Variants in CPEB1 observed in about 807,000 individuals in gnomAD.
CPEB1 encodes cytoplasmic polyadenylation element binding protein 1, also known as cytoplasmic polyadenylation element-binding protein 1.
Under a neutral mutation model 65.8 loss-of-function variants are expected in CPEB1, and 7 were observed. That is an observed-to-expected ratio of 0.11 (90% CI 0.06 to 0.20). CPEB1 has a LOEUF of 0.20. Among genes scored for constraint, CPEB1 ranks in the 10% least tolerant of loss-of-function variants. CPEB1 has a pLI of 1.00. For missense variants in CPEB1, 551 were observed against 712.2 expected (o/e 0.77, Z 2.58); for synonymous variants, 262 against 260.0 (o/e 1.01, Z -0.08).
At chr15:82,576,399 T>C (rs930241795) in intron 3 of CPEB1, among the ~76,000 whole-genome samples, 8 of 152,228 alleles carry the variant, frequency 5.3e-5, no homozygotes, top group African/African-American at 1.9e-4. Context: ...ATGGATCTAA[T>C]GACACATTTA....
intron 3 of CPEB1, among the ~76,000 whole-genome samples, chr15:82,595,279 T>A (rs1190784632): frequency 2.0e-5 from 3 of 152,260 alleles, no homozygotes; most frequent in Non-Finnish European, 4.4e-5. Flanking sequence ...CTGTTACAAA[T>A]GCCCACCTAT....
intron 9 of CPEB1, among the ~76,000 whole-genome samples, chr15:82,551,116 T>C (rs2036170334): frequency 6.6e-6 from 1 of 152,064 alleles, no homozygotes; most frequent in Non-Finnish European, 1.5e-5. Context: ...GCAGAGAAGG[T>C]AGGGAAGCTG....
intron 1 of CPEB1, among the ~76,000 whole-genome samples, chr15:82,635,913 AAAAC>A (rs1457835622): frequency 6.6e-6 from 1 of 152,194 alleles, no homozygotes; most frequent in African/African-American, 2.4e-5. Context: ...TAAATTCAAG[AAAAC>A]AAAGTAGTCC....
upstream of CPEB1, chr15:82,648,247 T>G: frequency 4.6e-6 from 1 of 218,390 alleles, no homozygotes; most frequent in Non-Finnish European, 9.0e-6. Flanking sequence ...AGTCACTGTC[T>G]GCCCTGGGCC....
At chr15:82,618,891 G>A (rs1263106385) in intron 3 of CPEB1, among the ~76,000 whole-genome samples, 5 of 152,156 alleles carry the variant, frequency 3.3e-5, no homozygotes, top group Non-Finnish European at 7.3e-5. Context: ...TGATTCATAG[G>A]TTCAACGCAA....
chr15:82,647,937 C>T, upstream of CPEB1: 1 of 1,187,442 alleles, frequency 8.4e-7, no homozygotes, highest in Non-Finnish European at 1.1e-6. Context: ...GACGCGCACG[C>T]ACGTGGGCAC....
chr15:82,578,833 T>G (rs1259344252), intron 3 of CPEB1, among the ~76,000 whole-genome samples: 1 of 152,092 alleles, frequency 6.6e-6, no homozygotes, highest in Non-Finnish European at 1.5e-5. Flanking sequence ...TGTTTTTTTG[T>G]TTTGTTTTGT....
intron 3 of CPEB1, among the ~76,000 whole-genome samples, chr15:82,604,984 A>G (rs1048792778): frequency 1.3e-4 from 20 of 152,244 alleles, no homozygotes; most frequent in African/African-American, 3.6e-4. Context: ...AGAAAGGGCA[A>G]AACTGCAAGA....
intron 1 of CPEB1, among the ~76,000 whole-genome samples, chr15:82,631,676 C>T (rs908975720): frequency 6.6e-6 from 1 of 152,138 alleles, no homozygotes; most frequent in Non-Finnish European, 1.5e-5. Context: ...ATTAAGTGAA[C>T]CAAAGACCTA....
intron 3 of CPEB1, among the ~76,000 whole-genome samples, chr15:82,576,940 G>A (rs537243776): frequency 9.1e-4 from 138 of 152,244 alleles, no homozygotes; most frequent in African/African-American, 3.2e-3. Flanking sequence ...TGGAAGGATC[G>A]CTTGAGCCTA....
At chr15:82,615,227 A>C (rs2044603476) in intron 3 of CPEB1, among the ~76,000 whole-genome samples, 1 of 152,108 alleles carries the variant, frequency 6.6e-6, no homozygotes. Context: ...CTATCCTCCC[A>C]TTTTAAGAAT....
chr15:82,571,636 G>C (rs1033352367), intron 3 of CPEB1, 104 bp from the exon 4 acceptor site: 7 of 1,472,976 alleles, frequency 4.8e-6, no homozygotes, highest in East Asian at 4.9e-5. Context: ...AGGCTCACAG[G>C]CCAGACATCC....
At chr15:82,625,185 G>C (rs907744413) in intron 3 of CPEB1, among the ~76,000 whole-genome samples, 1 of 152,100 alleles carries the variant, frequency 6.6e-6, no homozygotes, top group Non-Finnish European at 1.5e-5. Flanking sequence ...ACATGTATTA[G>C]AACTAAGAAA....
intron 1 of CPEB1, chr15:82,641,007 T>C (rs1393130684): frequency 1.3e-5 from 2 of 151,728 alleles, no homozygotes; most frequent in Admixed American, 1.3e-4. Context: ...ATTTTACAAA[T>C]AGTACTAGTC....
intron 3 of CPEB1, among the ~76,000 whole-genome samples, chr15:82,608,336 G>T (rs2043820255): frequency 6.6e-6 from 1 of 152,098 alleles, no homozygotes; most frequent in South Asian, 2.1e-4. Context: ...TGAGCTCGGA[G>T]GTAGGTCAAA....
chr15:82,560,025 A>G (rs1483159266), intron 4 of CPEB1, among the ~76,000 whole-genome samples: 15 of 152,212 alleles, frequency 9.9e-5, no homozygotes, highest in Admixed American at 9.8e-4. Flanking sequence ...CAGAGGTTGC[A>G]GTGAGCCGAG....
At chr15:82,544,844 G>GA (rs2034876948) in intron 12 of CPEB1, 142 bp from the exon 13 acceptor site, 2 of 661,190 alleles carry the variant, frequency 3.0e-6, no homozygotes, top group Non-Finnish European at 5.4e-6. Context: ...TGGTCCCTAG[G>GA]AATGCTCTCA....
At chr15:82,645,789 A>AC (rs914886501) in intron 1 of CPEB1, among the ~76,000 whole-genome samples, 5 of 151,816 alleles carry the variant, frequency 3.3e-5, no homozygotes, top group Non-Finnish European at 7.4e-5. Context: ...AATCGCTTGA[A>AC]CCCGGGAGGC....
In CPEB1 at chr15:82,618,811, C is replaced by G. The variant is rs189980718; in HGVS notation, c.271+8382G>C. On this transcript the variant is annotated intron_variant, in intron 3 of 12. Coordinates refer to ENST00000684509, the MANE Select transcript of CPEB1 (RefSeq NM_001365242.1). ...CAAACACTAAGAAAATTTTTAAAGACCAGATAAGCAAAGGGATATATCAAC... is the reference window on the plus strand; with the variant it reads ...CAAACACTAAGAAAATTTTTAAAGAGCAGATAAGCAAAGGGATATATCAAC... 1.6e-3 allele frequency among the ~76,000 whole-genome samples: 241 copies of G among 152,194 alleles called. 1 individual carries two copies. The highest frequency in any genetic ancestry group is 5.5e-3 in the African/African-American group (230 of 41,528).
Sources: allele counts gnomAD v4.1 joint callset (sites outside exome capture counted in the v4.1 genomes callset), GRCh38; gene constraint gnomAD v4.1.1; transcripts MANE v1.5; gene names NCBI Gene and HGNC (gene_info 2026-07-23, HGNC 2026-07-21).